The following PTPRR variants were observed in gnomAD, a reference collection of about 807,000 sequenced individuals.
PTPRR encodes the protein protein tyrosine phosphatase receptor type R.
In PTPRR, 38 loss-of-function variants were observed where a neutral mutation model predicts 77.2. The observed-to-expected ratio is 0.49, with a 90% CI of 0.38 to 0.65. PTPRR has a LOEUF of 0.65. PTPRR is among the 30% of genes least tolerant of loss of function. PTPRR has a pLI of 0.00. For synonymous variants in PTPRR, 299 were observed against 283.1 expected (o/e 1.06, Z -0.57); for missense variants, 744 against 799.2 (o/e 0.93, Z 0.83).
intron 2 of PTPRR, among the ~76,000 whole-genome samples, chr12:70,767,341 CAA>C (rs1372669799): frequency 3.3e-5 from 5 of 150,140 alleles, no homozygotes; most frequent in African/African-American, 7.3e-5. Flanking sequence ...AAATGGAAAA[CAA>C]AAAATTACAG....
chr12:70,754,517 G>A (rs1565683498), intron 4 of PTPRR: 2 of 1,580,008 alleles, frequency 1.3e-6, no homozygotes, highest in South Asian at 1.1e-5. Context: ...AGGAGCAAGC[G>A]TGCCTGACAT....
intron 2 of PTPRR, among the ~76,000 whole-genome samples, chr12:70,839,764 C>A (rs1892365179): frequency 6.6e-6 from 1 of 152,220 alleles, no homozygotes; most frequent in South Asian, 2.1e-4. Flanking sequence ...CACATGCGGG[C>A]CAGGTATAGA....
intron 4 of PTPRR, among the ~76,000 whole-genome samples, chr12:70,755,421 T>C (rs933440622): frequency 1.3e-5 from 2 of 152,258 alleles, no homozygotes; most frequent in African/African-American, 4.8e-5. Flanking sequence ...CCAACATTTA[T>C]AAATCAGACA....
intron 2 of PTPRR, among the ~76,000 whole-genome samples, chr12:70,845,571 T>A (rs948026002): frequency 4.6e-5 from 7 of 152,210 alleles, no homozygotes; most frequent in Non-Finnish European, 8.8e-5. Context: ...TGCCTTCCTT[T>A]GCTTCTCCCA....
intron 6 of PTPRR, among the ~76,000 whole-genome samples, chr12:70,718,564 G>A (rs755710706): frequency 2.0e-5 from 3 of 152,032 alleles, no homozygotes; most frequent in Non-Finnish European, 1.5e-5. Flanking sequence ...ATGCCTGGCC[G>A]GTCCACTGTT....
intron 2 of PTPRR, among the ~76,000 whole-genome samples, chr12:70,820,405 C>G (rs1183578416): frequency 6.6e-6 from 1 of 152,052 alleles, no homozygotes; most frequent in Non-Finnish European, 1.5e-5. Context: ...GCGATCTCGG[C>G]TCACTGCAAG....
chr12:70,690,202 C>T (rs1339361933), intron 8 of PTPRR, among the ~76,000 whole-genome samples: 1 of 152,164 alleles, frequency 6.6e-6, no homozygotes, highest in African/African-American at 2.4e-5. Context: ...TCAACCCTGG[C>T]AGGTATACTT....
rs1161076188 is a variant in PTPRR, at chr12:70,761,630, A to G, written c.472-4T>C. On this transcript the variant is annotated splice_polypyrimidine_tract_variant and splice_region_variant and intron_variant, in intron 3 of 13. Coordinates refer to ENST00000283228, the MANE Select transcript of PTPRR (RefSeq NM_002849.4). ...GTTCAATACTGTTCTTCTTTCCCTA[A>G]TAAAAGCAGAATATTTGTATTTGTT... The G allele has an allele frequency of 1.3e-6, 2 of 1,547,094 alleles. No individual in the cohort carries two copies. Among genetic ancestry groups the G allele is most frequent in the African/African-American group, 2.8e-5 (2 of 72,702 alleles).
intron 5 of PTPRR, among the ~76,000 whole-genome samples, chr12:70,750,101 A>G (rs1056030814): frequency 1.3e-5 from 2 of 152,166 alleles, no homozygotes; most frequent in Admixed American, 1.3e-4. Flanking sequence ...GGTGCTAAAT[A>G]AGTCAGCATA....
chr12:70,674,983 C>T (rs1473934227), intron 10 of PTPRR, among the ~76,000 whole-genome samples: 1 of 152,020 alleles, frequency 6.6e-6, no homozygotes, highest in Admixed American at 6.5e-5. Context: ...TATAGATTGA[C>T]ATTCCTTATC....
chr12:70,684,303 T>A, intron 9 of PTPRR, 39 bp from the exon 10 acceptor site: 2 of 1,591,664 alleles, frequency 1.3e-6, no homozygotes, highest in Non-Finnish European at 1.7e-6. Context: ...GGTTTTTAAG[T>A]TCATGCCTTG....
chr12:70,828,476 A>G (rs1359466343), intron 2 of PTPRR, among the ~76,000 whole-genome samples: 1 of 152,208 alleles, frequency 6.6e-6, no homozygotes, highest in Non-Finnish European at 1.5e-5. Flanking sequence ...CTTTAAATGG[A>G]AAGAGAATTA....
intron 8 of PTPRR, among the ~76,000 whole-genome samples, chr12:70,697,083 G>A (rs1888257105): frequency 1.3e-5 from 2 of 151,876 alleles, no homozygotes; most frequent in Admixed American, 1.3e-4. Context: ...ATTTCTTTTA[G>A]GTAATATTTA....
intron 5 of PTPRR, among the ~76,000 whole-genome samples, chr12:70,747,232 A>G (rs189655705): frequency 6.6e-6 from 1 of 152,348 alleles, no homozygotes; most frequent in East Asian, 1.9e-4. Flanking sequence ...GCACTAGAAC[A>G]GTATCAATCA....
intron 2 of PTPRR, among the ~76,000 whole-genome samples, chr12:70,826,060 G>A (rs530346357): frequency 6.6e-6 from 1 of 152,122 alleles, no homozygotes; most frequent in East Asian, 1.9e-4. Flanking sequence ...TTTAATATAA[G>A]ACTTTCTGGA....
At chr12:70,765,197 C>G (rs1479721337) in intron 2 of PTPRR, among the ~76,000 whole-genome samples, 1 of 152,176 alleles carries the variant, frequency 6.6e-6, no homozygotes, top group Non-Finnish European at 1.5e-5. Context: ...CGAGCCGAAG[C>G]AGGGTGAGGC....
At chr12:70,814,904 A>T (rs1301902996) in intron 2 of PTPRR, among the ~76,000 whole-genome samples, 1 of 152,164 alleles carries the variant, frequency 6.6e-6, no homozygotes, top group Admixed American at 6.5e-5. Context: ...GCACCCAACA[A>T]GGTACAATTC....
chr12:70,776,678 C>T (rs188088412), intron 2 of PTPRR, among the ~76,000 whole-genome samples: 1 of 152,124 alleles, frequency 6.6e-6, no homozygotes, highest in Admixed American at 6.5e-5. Flanking sequence ...GCTCTTTCTT[C>T]TCCTTGGAGA....
chr12:70,684,061 T>TAACACAGTATCTCTTCTATAGCAACAG (rs1359648484), intron 10 of PTPRR, 66 bp downstream of exon 10: 19 of 1,524,066 alleles, frequency 1.2e-5, no homozygotes, highest in Non-Finnish European at 1.5e-5. Flanking sequence ...GCAATTTTAC[T>TAACACAGTATCTCTTCTATAGCAACAG]AACACAGTAT....
Sources: allele counts gnomAD v4.1 joint callset (sites outside exome capture counted in the v4.1 genomes callset), GRCh38; gene constraint gnomAD v4.1.1; transcripts MANE v1.5; gene names NCBI Gene and HGNC (gene_info 2026-07-23, HGNC 2026-07-21).